Variants in PCDH7 observed in about 807,000 individuals in gnomAD.
The protein encoded by PCDH7 is protocadherin-7.
PCDH7 carries 17 observed loss-of-function variants against 58.9 expected under a neutral mutation model. The ratio of observed to expected loss-of-function variants is 0.29; its 90% CI spans 0.20 to 0.43. PCDH7 has a LOEUF of 0.43. Ranked by LOEUF, PCDH7 falls within the 20% of genes least tolerant of loss-of-function variation. The probability of loss-of-function intolerance (pLI) is 1.00; values close to 1 mark genes in which losing one functional copy is unlikely to be tolerated. For synonymous variants in PCDH7, 664 were observed against 616.4 expected (o/e 1.08, Z -1.14); for missense variants, 1,274 against 1,441.0 (o/e 0.88, Z 1.88).
chr4:30,813,772 A>G (rs1727299926), intron 1 of PCDH7, among the ~76,000 whole-genome samples: 1 of 151,974 alleles, frequency 6.6e-6, no homozygotes, highest in Non-Finnish European at 1.5e-5. Context: ...ATCCTGAGTC[A>G]CTGAGATTAC....
chr4:31,056,740 A>G (rs1242666478), intron 3 of PCDH7, among the ~76,000 whole-genome samples: 1 of 148,704 alleles, frequency 6.7e-6, no homozygotes, highest in Non-Finnish European at 1.5e-5. Flanking sequence ...GAGAAACGAA[A>G]GCAAAGAAAA....
chr4:31,027,677 T>C lies in PCDH7; in HGVS notation c.*7+77462T>C, dbSNP rs542803894. Among the ~76,000 whole-genome samples, 18 of 152,268 alleles carry C rather than the reference T, an allele frequency of 1.2e-4. No homozygotes were observed. In the South Asian group the frequency reaches 3.7e-3, roughly 32 times the overall value. On this transcript the variant is annotated intron_variant, in intron 3 of 3. Coordinates refer to the PCDH7 transcript ENST00000509759. ...ACCTCATGTACCGCCCACCTTGGCC[T>C]CCTAAAGTGCTGGGATTACAGGCGT...
chr4:30,971,376 C>G (rs1389925430), intron 3 of PCDH7, among the ~76,000 whole-genome samples: 1 of 152,170 alleles, frequency 6.6e-6, no homozygotes, highest in African/African-American at 2.4e-5. Flanking sequence ...TAAACCCAAA[C>G]ACCTGCTGTG....
At chr4:30,760,057 A>AT in intron 1 of PCDH7, among the ~76,000 whole-genome samples, 1 of 152,224 alleles carries the variant, frequency 6.6e-6, no homozygotes, top group South Asian at 2.1e-4. Context: ...AAAGCTACTG[A>AT]TAAGAAAAAA....
intron 3 of PCDH7, among the ~76,000 whole-genome samples, chr4:30,979,249 C>T (rs1750340655): frequency 6.6e-6 from 1 of 151,000 alleles, no homozygotes; most frequent in African/African-American, 2.4e-5. Flanking sequence ...TGGCGTGAAC[C>T]CAGGAGGAGG....
chr4:31,027,615 GTTT>G (rs1160910485), intron 3 of PCDH7, among the ~76,000 whole-genome samples: 30 of 151,906 alleles, frequency 2.0e-4, no homozygotes, highest in Admixed American at 6.6e-5. Flanking sequence ...TAGATATGGG[GTTT>G]CACCATGTTG....
intron 1 of PCDH7, among the ~76,000 whole-genome samples, chr4:30,762,146 C>A (rs939384648): frequency 2.6e-5 from 4 of 151,936 alleles, no homozygotes; most frequent in African/African-American, 4.8e-5. Flanking sequence ...AAATAAGCAC[C>A]CTTGGAATGG....
chr4:31,012,969 C>A (rs911176238), intron 3 of PCDH7, among the ~76,000 whole-genome samples: 3 of 150,380 alleles, frequency 2.0e-5, no homozygotes, highest in Non-Finnish European at 3.0e-5. Context: ...ATGAAATGAT[C>A]TCACCACTGT....
chr4:31,043,683 G>T (rs1223115533), intron 3 of PCDH7, among the ~76,000 whole-genome samples: 7 of 152,094 alleles, frequency 4.6e-5, no homozygotes, highest in Non-Finnish European at 5.9e-5. Flanking sequence ...GTAGATGCTG[G>T]ACGTTAGACA....
At chr4:31,036,459 A>G (rs1297807536) in intron 3 of PCDH7, among the ~76,000 whole-genome samples, 2 of 152,120 alleles carry the variant, frequency 1.3e-5, no homozygotes, top group African/African-American at 4.8e-5. Context: ...CAGTGCTGGG[A>G]TTATAAGTGC....
chr4:31,068,989 T>C (rs900832856), intron 3 of PCDH7, among the ~76,000 whole-genome samples: 1 of 151,934 alleles, frequency 6.6e-6, no homozygotes, highest in Admixed American at 6.6e-5. Context: ...CCTAGAAATG[T>C]TGAGGGTAAC....
intron 3 of PCDH7, among the ~76,000 whole-genome samples, chr4:31,084,596 C>CTA (rs201495679): frequency 0.025 from 3,551 of 143,866 alleles, 88 homozygotes; most frequent in Admixed American, 0.087. Flanking sequence ...TTATAGGGAA[C>CTA]TATAGTTCAT....
intron 2 of PCDH7, among the ~76,000 whole-genome samples, chr4:30,925,164 T>C (rs1042277143): frequency 3.9e-5 from 6 of 152,216 alleles, no homozygotes; most frequent in Non-Finnish European, 8.8e-5. Context: ...TTGTCCTTGA[T>C]TATTTAAACA....
At chr4:30,859,426 C>CTAATTCTT (rs1466641184) in intron 1 of PCDH7, among the ~76,000 whole-genome samples, 1 of 151,462 alleles carries the variant, frequency 6.6e-6, no homozygotes, top group East Asian at 1.9e-4. Flanking sequence ...AGAGAAAGCT[C>CTAATTCTT]TAATTCTTCT....
intron 1 of PCDH7, among the ~76,000 whole-genome samples, chr4:30,912,686 G>C (rs1434307776): frequency 2.0e-5 from 3 of 152,120 alleles, no homozygotes; most frequent in Non-Finnish European, 4.4e-5. Flanking sequence ...ATTCAATAAG[G>C]AAAGAGATTT....
exon 4 of PCDH7, chr4:31,142,795 G>A (rs151288322): frequency 2.5e-5 from 34 of 1,366,856 alleles, no homozygotes; most frequent in African/African-American, 2.2e-4. Flanking sequence ...CAAAAACAGG[G>A]GAATATAAGC....
At chr4:31,107,821 T>A (rs1715773196) in intron 3 of PCDH7, among the ~76,000 whole-genome samples, 2 of 152,312 alleles carry the variant, frequency 1.3e-5, no homozygotes, top group South Asian at 4.1e-4. Context: ...AAGTAATTTA[T>A]CTTCCTTAAA....
At chr4:30,808,704 G>T (rs1467012708) in intron 1 of PCDH7, among the ~76,000 whole-genome samples, 1 of 152,082 alleles carries the variant, frequency 6.6e-6, no homozygotes, top group Non-Finnish European at 1.5e-5. Context: ...GTAATATTTT[G>T]TATGCTCTAG....
intron 1 of PCDH7, among the ~76,000 whole-genome samples, chr4:30,810,616 C>T (rs1309395231): frequency 1.4e-5 from 2 of 140,306 alleles, no homozygotes; most frequent in Non-Finnish European, 3.1e-5. Context: ...TTCTCATTTT[C>T]TTTTTTTTTT....
Sources: gnomAD v4.1 joint callset for allele counts (sites outside exome capture counted in the v4.1 genomes callset) on GRCh38, gnomAD v4.1.1 for gene constraint, MANE v1.5 for transcripts, NCBI Gene and HGNC (gene_info 2026-07-23, HGNC 2026-07-21) for gene names.